ACADL: variants seen among roughly 807,000 people sequenced by gnomAD.
ACADL encodes long-chain specific acyl-CoA dehydrogenase, mitochondrial.
A neutral mutation model predicts 56.9 loss-of-function variants in ACADL; 60 were observed. The observed-to-expected ratio is 1.05, with a 90% CI of 0.86 to 1.31. The LOEUF (loss-of-function observed/expected upper bound fraction) is 1.31, where lower values mean the gene tolerates loss of function less well. Among genes scored for constraint, ACADL ranks in the 50% most tolerant of loss-of-function variants. The pLI, the probability that ACADL is intolerant of heterozygous loss-of-function variation, is 0.00. For synonymous variants in ACADL, 158 were observed against 179.7 expected, an observed-to-expected ratio of 0.88 and a Z score of 0.97; for missense variants, 484 against 525.5, an observed-to-expected ratio of 0.92 and a Z score of 0.77.
intron 6 of ACADL, 126 bp from the exon 7 acceptor site, chr2:210,204,808 A>C (rs1255069627): frequency 2.6e-6 from 2 of 761,824 alleles, no homozygotes; most frequent in African/African-American, 3.5e-5. Flanking sequence ...AAGTTGGAGT[A>C]GTTAATGAAC....
intron 10 of ACADL, among the ~76,000 whole-genome samples, chr2:210,192,276 C>T (rs1290020233): frequency 6.6e-6 from 1 of 151,624 alleles, no homozygotes; most frequent in African/African-American, 2.4e-5. Context: ...CACTTGAGGC[C>T]AGGGGTTTGA....
chr2:210,190,271 T>C (rs1688610085), intron 10 of ACADL, among the ~76,000 whole-genome samples: 1 of 152,158 alleles, frequency 6.6e-6, no homozygotes, highest in Non-Finnish European at 1.5e-5. Context: ...AAGCTTGAGA[T>C]ATTTATGTTT....
intron 3 of ACADL, 74 bp downstream of exon 3, chr2:210,217,891 T>C: frequency 1.9e-6 from 3 of 1,544,704 alleles, no homozygotes; most frequent in Non-Finnish European, 2.7e-6. Flanking sequence ...GTTTGTTTGT[T>C]TGTTTGGTCA....
At chr2:210,224,417 A>G in intron 1 of ACADL, 3 of 985,306 alleles carry the variant, frequency 3.0e-6, no homozygotes, top group Non-Finnish European at 3.6e-6. Context: ...TGTCATTCGC[A>G]AATTTGCCAG....
intron 8 of ACADL, among the ~76,000 whole-genome samples, chr2:210,195,666 A>G (rs1371611433): frequency 6.6e-6 from 1 of 152,200 alleles, no homozygotes; most frequent in Non-Finnish European, 1.5e-5. Context: ...ATCTTGTGGT[A>G]CAGTTATTTA....
At chr2:210,195,506 A>G (rs942150916) in intron 8 of ACADL, among the ~76,000 whole-genome samples, 168 bp from the exon 9 acceptor site, 2 of 152,228 alleles carry the variant, frequency 1.3e-5, no homozygotes, top group African/African-American at 2.4e-5. Context: ...ATCAGCTTAA[A>G]TTTAAAACTC....
At chr2:210,216,131 C>A (rs191136722) in intron 4 of ACADL, among the ~76,000 whole-genome samples, 1 of 152,334 alleles carries the variant, frequency 6.6e-6, no homozygotes, top group Admixed American at 6.5e-5. Context: ...AACTTACACA[C>A]TACCATTTTC....
intron 6 of ACADL, among the ~76,000 whole-genome samples, chr2:210,204,942 G>T (rs1019502178): frequency 3.3e-5 from 5 of 152,144 alleles, no homozygotes; most frequent in African/African-American, 1.2e-4. Context: ...AAGGTACTTG[G>T]AACTAAGGAT....
At position 210,217,873 on chromosome 2, in the gene ACADL, ATTTGTTTG is replaced by A. The variant is rs34384847; in HGVS notation, c.371+84_371+91del. 3.8e-5 allele frequency: 56 copies of A among 1,483,626 alleles called. No individual in the cohort carries two copies. In the African/African-American group the frequency reaches 4.4e-4, roughly 12 times the overall value. The allele number at this position is 1,483,626 out of a possible 1,614,324, so 91.9% of individuals were successfully genotyped here. The stretch of plus-strand genomic sequence containing the variant: ...TTTCAATCTTCCAAGATTAGAAAAC[ATTTGTTTG>A]TTTGTTTGTTTGTTTGGTCATTTCA... On this transcript the variant is annotated intron_variant, in intron 3 of 10. Coordinates refer to ENST00000233710, the MANE Select transcript of ACADL (RefSeq NM_001608.4).
intron 4 of ACADL, among the ~76,000 whole-genome samples, chr2:210,212,920 T>G (rs1479726417): frequency 1.3e-5 from 2 of 152,248 alleles, no homozygotes; most frequent in Admixed American, 1.3e-4. Flanking sequence ...GGCTAACATC[T>G]GAGAATCTGG....
At chr2:210,196,665 A>G (rs891060286) in intron 8 of ACADL, among the ~76,000 whole-genome samples, 1 of 152,176 alleles carries the variant, frequency 6.6e-6, no homozygotes, top group Non-Finnish European at 1.5e-5. Context: ...CTCCAAAAGT[A>G]TACTCCATTC....
Position 210,225,326 on chromosome 2 carries a change from C to T in ACADL, c.-63G>A. On this transcript the variant is annotated 5_prime_UTR_variant, in exon 1 of 11. Transcript: ENST00000233710. ...TCTGCGGCTACTCGGCGACTCGGGG[C>T]AGGGTCCCCGGGAGGGAGGACGATC... 6.7e-7 allele frequency: 1 copy of T among 1,503,596 alleles called. No individual in the cohort carries two copies. Among genetic ancestry groups the T allele is most frequent in the South Asian group, 1.2e-5 (1 of 82,636 alleles). 93.1% of individuals were successfully genotyped at this position (1,503,596 alleles called of 1,614,324 possible). A position where few individuals can be genotyped will look rare whatever the true frequency, so the allele number is the denominator to read the frequency against.
At chr2:210,218,509 A>G (rs1689127407) in intron 2 of ACADL, 1 of 200,126 alleles carries the variant, frequency 5.0e-6, no homozygotes, top group African/African-American at 2.4e-5. Flanking sequence ...CTGGTCGTGA[A>G]CTCTTGGCCT....
At chr2:210,203,823 A>G (rs1169631576) in intron 7 of ACADL, among the ~76,000 whole-genome samples, 3 of 152,162 alleles carry the variant, frequency 2.0e-5, no homozygotes, top group Non-Finnish European at 4.4e-5. Flanking sequence ...CAACAGTCAC[A>G]TAACACCATG....
At chr2:210,199,768 AG>A (rs1313624905) in intron 8 of ACADL, among the ~76,000 whole-genome samples, 8 of 152,080 alleles carry the variant, frequency 5.3e-5, no homozygotes, top group African/African-American at 1.9e-4. Flanking sequence ...GCAGGGAGAC[AG>A]GGTCTTGCTA....
intron 7 of ACADL, 29 bp downstream of exon 7, chr2:210,204,552 A>C (rs1688852080): frequency 1.4e-6 from 2 of 1,433,700 alleles, no homozygotes; most frequent in African/African-American, 2.8e-5. Context: ...TTATTCAGTC[A>C]AAAGATGGAA....
chr2:210,221,822 C>T (rs1689180681), intron 1 of ACADL, among the ~76,000 whole-genome samples: 1 of 151,672 alleles, frequency 6.6e-6, no homozygotes, highest in Admixed American at 6.6e-5. Context: ...TTCGCCTTCC[C>T]GGTTCAAGCC....
intron 1 of ACADL, among the ~76,000 whole-genome samples, chr2:210,221,812 T>C (rs1487076571): frequency 6.6e-6 from 1 of 151,808 alleles, no homozygotes; most frequent in East Asian, 1.9e-4. Context: ...CACTGCAACC[T>C]TCGCCTTCCC....
chr2:210,214,283 G>A (rs1689037170), intron 4 of ACADL, among the ~76,000 whole-genome samples: 2 of 151,858 alleles, frequency 1.3e-5, no homozygotes, highest in South Asian at 2.1e-4. Context: ...CTTCCCACGT[G>A]TTTTTCCCTA....
Sources: gnomAD v4.1 joint callset for allele counts (sites outside exome capture counted in the v4.1 genomes callset) on GRCh38, gnomAD v4.1.1 for gene constraint, MANE v1.5 for transcripts, NCBI Gene and HGNC (gene_info 2026-07-23, HGNC 2026-07-21) for gene names.